Variants in ADGRB1 observed in about 807,000 individuals in gnomAD.
ADGRB1 encodes the protein adhesion G protein-coupled receptor B1, also known as brain-specific angiogenesis inhibitor 1.
A neutral mutation model predicts 175.7 loss-of-function variants in ADGRB1; 36 were observed. The ratio of observed to expected loss-of-function variants is 0.20; its 90% CI spans 0.16 to 0.27. The LOEUF (loss-of-function observed/expected upper bound fraction) is 0.27. ADGRB1 is among the 10% of genes least tolerant of loss of function. The pLI, the probability that ADGRB1 is intolerant of heterozygous loss-of-function variation, is 1.00. For missense variants in ADGRB1, 1,731 were observed against 2,255.3 expected (o/e 0.77, Z 4.71); for synonymous variants, 1,054 against 979.4 (o/e 1.08, Z -1.42).
At chr8:142,518,807 T>C (rs1189485363) in intron 19 of ADGRB1, among the ~76,000 whole-genome samples, 1 of 152,206 alleles carries the variant, frequency 6.6e-6, no homozygotes, top group African/African-American at 2.4e-5. Context: ...TCTGCTCCTG[T>C]CCCATTGAGT....
intron 17 of ADGRB1, among the ~76,000 whole-genome samples, chr8:142,494,025 T>C (rs1318209064): frequency 2.6e-5 from 4 of 152,098 alleles, no homozygotes; most frequent in Non-Finnish European, 5.9e-5. Flanking sequence ...CGGTGTGCAC[T>C]TGGATGGGAA....
rs182545444 is a variant in ADGRB1, at chr8:142,469,794, C to T, written c.784+4812C>T. Among the ~76,000 whole-genome samples, 5 of 152,124 alleles carry T rather than the reference C, an allele frequency of 3.3e-5. No homozygotes were observed. The South Asian group carries it at 8.3e-4, about 25-fold the overall frequency. ...GTGTATGTCTCTGTGTGTGCACGTG[C>T]GTGTGCGTGGGGGGGATGGGGTGGC... On this transcript the variant is annotated intron_variant, in intron 2 of 30. Coordinates refer to ENST00000517894, the MANE Select transcript of ADGRB1 (RefSeq NM_001702.3).
chr8:142,470,807 A>G (rs1447332470), intron 2 of ADGRB1, among the ~76,000 whole-genome samples: 1 of 152,116 alleles, frequency 6.6e-6, no homozygotes, highest in Non-Finnish European at 1.5e-5. Flanking sequence ...CCCTGCCTCC[A>G]GGGTGAGTCA....
At chr8:142,488,620 A>G (rs1366068358) in intron 14 of ADGRB1, 113 bp downstream of exon 14, 1 of 1,389,792 alleles carries the variant, frequency 7.2e-7, no homozygotes, top group Non-Finnish European at 9.7e-7. Flanking sequence ...GCGGTTCTCA[A>G]GGGGGTCCTC....
At chr8:142,483,111 T>C (rs981873994) in intron 11 of ADGRB1, among the ~76,000 whole-genome samples, 25 of 135,936 alleles carry the variant, frequency 1.8e-4, no homozygotes, top group Middle Eastern at 5.1e-3. Context: ...CTTGGTCACC[T>C]GCTGAACCCT....
chr8:142,529,924 G>A (rs767722190), intron 24 of ADGRB1, among the ~76,000 whole-genome samples: 2 of 150,174 alleles, frequency 1.3e-5, no homozygotes, highest in Non-Finnish European at 3.0e-5. Flanking sequence ...GCATCTGTGT[G>A]TGTACCTGTG....
rs1202306070 is a variant in ADGRB1 at position 142,489,292 on chromosome 8, G to A, written c.2529-44G>A. 6 of 1,603,782 alleles carry A rather than the reference G, an allele frequency of 3.7e-6. No homozygotes were observed. In the South Asian group the frequency reaches 6.6e-5, roughly 18 times the overall value. On this transcript the variant is annotated intron_variant, in intron 15 of 30. Coordinates refer to ENST00000517894, the MANE Select transcript of ADGRB1 (RefSeq NM_001702.3). Reference sequence around the variant, plus strand: ...CTGGGGAAGGGCCAGGAGGAGCCTGGGCTGGGAGGGCTCCCCCGACACCTG... The same window carrying A: ...CTGGGGAAGGGCCAGGAGGAGCCTGAGCTGGGAGGGCTCCCCCGACACCTG...
intron 27 of ADGRB1, chr8:142,539,757 G>T: frequency 2.2e-6 from 1 of 448,680 alleles, no homozygotes; most frequent in Non-Finnish European, 4.1e-6. Context: ...CCCCAGCGAG[G>T]AGCACAGCCT....
chr8:142,517,062 A>G (rs1843488803), intron 18 of ADGRB1, among the ~76,000 whole-genome samples: 1 of 152,126 alleles, frequency 6.6e-6, no homozygotes, highest in African/African-American at 2.4e-5. Context: ...CCAGAGGCAC[A>G]GTCATGCGAA....
At position 142,510,677 on chromosome 8, in the gene ADGRB1, C is replaced by G. The variant is rs1399020332; in HGVS notation, c.2676-255C>G. Reference sequence around the variant, plus strand: ...CCCGCCCCCGATCGCTCGGCTCCCCCGCCCGGCGCTCCCTCGGGCTGCGCT... The same window carrying G: ...CCCGCCCCCGATCGCTCGGCTCCCCGGCCCGGCGCTCCCTCGGGCTGCGCT... On this transcript the variant is annotated intron_variant, in intron 17 of 30. Transcript: ENST00000517894. The surrounding 1 kb of genome is among the most constrained non-coding windows in gnomAD (Gnocchi z 6.3). 6.9e-6 allele frequency among the ~76,000 whole-genome samples: 1 copy of G among 145,808 alleles called. No individual in the cohort carries two copies. Among genetic ancestry groups the G allele is most frequent in the Non-Finnish European group, 1.5e-5 (1 of 65,648 alleles).
chr8:142,521,877 G>A, intron 20 of ADGRB1, 88 bp from the exon 21 acceptor site: 1 of 1,466,486 alleles, frequency 6.8e-7, no homozygotes, highest in South Asian at 1.3e-5. Context: ...TGGGTGCTGG[G>A]CTGCCAGCTG....
At position 142,481,367 on chromosome 8, in the gene ADGRB1, G is replaced by A; in HGVS notation, c.1935+7G>A. ...CAGAAACATCCAGATGATGGTGAGG[G>A]CCAGTTCCCGGGGGTCTCCAACCCC... On this transcript the variant is annotated splice_region_variant and intron_variant, in intron 10 of 30. Coordinates refer to ENST00000517894, the MANE Select transcript of ADGRB1 (RefSeq NM_001702.3). 1.2e-6 allele frequency: 2 copies of A among 1,613,496 alleles called. No individual in the cohort carries two copies. The highest frequency in any genetic ancestry group is 1.7e-6 in the Non-Finnish European group (2 of 1,179,742).
In ADGRB1 at chr8:142,544,309, G is replaced by T; in HGVS notation, c.4647G>T (p.Glu1549Asp). 1 of 1,549,118 alleles carries T rather than the reference G, an allele frequency of 6.5e-7. No individual in the cohort carries two copies. ...CCACGTGGGTGAAGAAGGAGCTGGA[G>T]CCGCTGCAGCCGTCGCCGCTGGAGC... ...GTPTWVKKEL[E>D]PLQPSPLELR... Residue 1549 changes from glutamate (E) to aspartate (D), a missense_variant, in exon 31 of 31, where the codon GAG becomes GAT. Transcript: ENST00000517894.
intron 23 of ADGRB1, 26 bp from the exon 24 acceptor site, chr8:142,526,516 C>T (rs1400728290): frequency 6.3e-6 from 9 of 1,428,788 alleles, no homozygotes; most frequent in Non-Finnish European, 8.7e-6. Context: ...CCCACCCCCA[C>T]ACCCCCACCA....
At chr8:142,486,470 C>T (rs187298591) in intron 13 of ADGRB1, among the ~76,000 whole-genome samples, 22 of 152,294 alleles carry the variant, frequency 1.4e-4, no homozygotes, top group African/African-American at 4.6e-4. Context: ...ATATTCATCT[C>T]GGCACAAGGT....
rs757113885 is a variant in ADGRB1 at position 142,542,255 on chromosome 8, C to A, written c.4021C>A (p.Leu1341Met). The A allele has an allele frequency of 5.9e-5, 96 of 1,613,462 alleles. No individual in the cohort carries two copies. The highest frequency in any genetic ancestry group is 7.8e-5 in the Non-Finnish European group (92 of 1,179,850). ...GCTGAGCCGGGCCCAGGAGAAGGCT[C>A]TGGACACGAGCTACGTGATCCTGCC... Reference protein sequence around the residue: ...SELSRAQEKALDTSYVILPTA... With the variant: ...SELSRAQEKAMDTSYVILPTA... Residue 1341 changes from leucine (L) to methionine (M), a missense_variant, in exon 28 of 31, where the codon CTG (leucine) becomes ATG (methionine). Transcript: ENST00000517894. This position sits in a 1 kb window ranked among gnomAD's most constrained non-coding sequence, Gnocchi z 6.3.
intron 17 of ADGRB1, among the ~76,000 whole-genome samples, chr8:142,505,093 C>A (rs1369654739): frequency 6.6e-6 from 1 of 152,142 alleles, no homozygotes; most frequent in Non-Finnish European, 1.5e-5. Flanking sequence ...TTAGAGCGCC[C>A]TCCCCGTCAC....
At chr8:142,518,387 C>T in intron 19 of ADGRB1, 146 bp downstream of exon 19, 1 of 769,098 alleles carries the variant, frequency 1.3e-6, no homozygotes, top group Non-Finnish European at 2.1e-6. Context: ...GCCACGGAAC[C>T]AGCCATGCTG....
rs1438827291 is a variant in ADGRB1 at position 142,477,539 on chromosome 8, C to T, written c.1377C>T (p.Ala459=). 2 of 1,612,310 alleles carry T rather than the reference C, an allele frequency of 1.2e-6. No homozygotes were observed. The highest frequency in any genetic ancestry group is 1.1e-5 in the South Asian group (1 of 91,034). Residue 459 remains alanine, a synonymous_variant, in exon 6 of 31, where the codon GCC becomes GCT. Transcript: ENST00000517894. The part of the protein sequence containing the change: ...PEKQTKFCNI[A]LCPGRAVDGN... ...AGCAAACCAAGTTCTGCAACATTGC[C>T]CTGTGCCCTGGTAGGTGAGAGGGAG... is the stretch of plus-strand genomic sequence containing the variant.
Sources: gnomAD v4.1 joint callset for allele counts (sites outside exome capture counted in the v4.1 genomes callset) on GRCh38, gnomAD v4.1.1 for gene constraint, Gnocchi (gnomAD v3.1) non-coding constraint, MANE v1.5 for transcripts, NCBI Gene and HGNC (gene_info 2026-07-23, HGNC 2026-07-21) for gene names.